AFAP1: variants seen among roughly 807,000 people sequenced by gnomAD.
The protein encoded by AFAP1 is actin filament-associated protein 1.
In AFAP1, 75 loss-of-function variants were observed where a neutral mutation model predicts 93.9. The ratio of observed to expected loss-of-function variants is 0.80; its 90% CI spans 0.66 to 0.97. AFAP1 has a LOEUF of 0.97. Ranked by LOEUF, AFAP1 falls within the 50% of genes least tolerant of loss-of-function variation. The pLI is 0.00. For synonymous variants in AFAP1, 517 were observed against 430.7 expected (o/e 1.20, Z -2.48); for missense variants, 1,201 against 1,050.8 (o/e 1.14, Z -1.98).
intron 9 of AFAP1, among the ~76,000 whole-genome samples, chr4:7,805,347 AG>A (rs1394623943): frequency 6.6e-6 from 1 of 152,230 alleles, no homozygotes. Flanking sequence ...ATGGCTACCC[AG>A]GCTCCATGAA....
intron 6 of AFAP1, among the ~76,000 whole-genome samples, chr4:7,824,200 T>A (rs1484726683): frequency 6.6e-6 from 1 of 152,230 alleles, no homozygotes; most frequent in African/African-American, 2.4e-5. Context: ...AGGTTCAATG[T>A]GTATTTAAGA....
At chr4:7,893,441 C>T (rs961034077) in intron 1 of AFAP1, among the ~76,000 whole-genome samples, 2 of 151,828 alleles carry the variant, frequency 1.3e-5, no homozygotes, top group Non-Finnish European at 2.9e-5. Context: ...ATTAGCCAGG[C>T]GTGGTGGCGG....
At chr4:7,919,642 T>A (rs1358732188) in intron 1 of AFAP1, among the ~76,000 whole-genome samples, 1 of 152,198 alleles carries the variant, frequency 6.6e-6, no homozygotes, top group Non-Finnish European at 1.5e-5. Flanking sequence ...TATTTTTTTT[T>A]AATTTTTAAG....
intron 3 of AFAP1, among the ~76,000 whole-genome samples, chr4:7,867,133 G>GAGGGGAGGGT (rs1716513509): frequency 1.7e-5 from 1 of 59,608 alleles, no homozygotes; most frequent in Non-Finnish European, 5.4e-5. Flanking sequence ...TAGGGGAGCG[G>GAGGGGAGGGT]AGGGGAGGGG....
chr4:7,792,851 A>G (rs1718005987), intron 11 of AFAP1, among the ~76,000 whole-genome samples: 1 of 152,262 alleles, frequency 6.6e-6, no homozygotes, highest in South Asian at 2.1e-4. Flanking sequence ...TTCTTTTACT[A>G]TCGCAAATGG....
intron 16 of AFAP1, 67 bp downstream of exon 16, chr4:7,772,753 T>C: frequency 1.3e-6 from 2 of 1,487,162 alleles, no homozygotes; most frequent in Admixed American, 1.8e-5. Flanking sequence ...ACATTCTCTC[T>C]GGGTGCACTG....
At chr4:7,849,395 C>T (rs566890852) in intron 4 of AFAP1, among the ~76,000 whole-genome samples, 2 of 152,136 alleles carry the variant, frequency 1.3e-5, no homozygotes, top group South Asian at 4.2e-4. Flanking sequence ...GAAAAATCAA[C>T]AAAGGAAAGG....
At chr4:7,864,926 T>G (rs1286579821) in intron 3 of AFAP1, among the ~76,000 whole-genome samples, 3 of 152,012 alleles carry the variant, frequency 2.0e-5, no homozygotes, top group African/African-American at 7.3e-5. Context: ...TGCAGTGAGC[T>G]ATGATCGTGC....
At chr4:7,803,211 C>T (rs1213625996) in intron 9 of AFAP1, among the ~76,000 whole-genome samples, 3 of 152,224 alleles carry the variant, frequency 2.0e-5, no homozygotes, top group African/African-American at 7.2e-5. Context: ...CCTCAAATAA[C>T]TTCACATACT....
intron 1 of AFAP1, among the ~76,000 whole-genome samples, chr4:7,901,549 C>T (rs1486181046): frequency 6.6e-6 from 1 of 152,190 alleles, no homozygotes; most frequent in Admixed American, 6.5e-5. Context: ...GATGCAGCTG[C>T]AGAGAAGCTG....
chr4:7,850,026 G>C (rs912607346), intron 4 of AFAP1, among the ~76,000 whole-genome samples: 1 of 152,080 alleles, frequency 6.6e-6, no homozygotes, highest in Admixed American at 6.6e-5. Context: ...GCCCTCAGAC[G>C]AACTTTGGCT....
chr4:7,901,428 G>A (rs548552290), intron 1 of AFAP1, among the ~76,000 whole-genome samples: 3 of 152,322 alleles, frequency 2.0e-5, no homozygotes, highest in East Asian at 3.9e-4. Flanking sequence ...CTCACTGTGC[G>A]GAATTACATA....
chr4:7,810,051 T>C (rs556097171), intron 8 of AFAP1, among the ~76,000 whole-genome samples: 1 of 152,284 alleles, frequency 6.6e-6, no homozygotes, highest in East Asian at 1.9e-4. Context: ...TTTGTAGAAA[T>C]GGGGTTTCCC....
At chr4:7,788,131 T>G (rs919581396) in intron 11 of AFAP1, among the ~76,000 whole-genome samples, 23 of 152,310 alleles carry the variant, frequency 1.5e-4, no homozygotes, top group African/African-American at 5.3e-4. Context: ...GGCAGGTGCC[T>G]AGAGCCTCGG....
At chr4:7,916,172 A>C (rs531797300) in intron 1 of AFAP1, among the ~76,000 whole-genome samples, 5 of 152,302 alleles carry the variant, frequency 3.3e-5, no homozygotes, top group Non-Finnish European at 5.9e-5. Flanking sequence ...CCCCAAAGAA[A>C]CCACGGCACA....
intron 1 of AFAP1, among the ~76,000 whole-genome samples, chr4:7,912,537 G>A (rs1249670613): frequency 6.6e-6 from 1 of 152,124 alleles, no homozygotes; most frequent in Non-Finnish European, 1.5e-5. Flanking sequence ...GCATTTTTCT[G>A]ACGGCTAATG....
In AFAP1 at chr4:7,774,737, A is replaced by T; in HGVS notation, c.2062+2T>A. 6.2e-7 allele frequency: 1 copy of T among 1,614,016 alleles called. No individual in the cohort carries two copies. Among genetic ancestry groups the T allele is most frequent in the Non-Finnish European group, 8.5e-7 (1 of 1,179,964 alleles). On this transcript the variant is annotated splice_donor_variant, in intron 15 of 17. Transcript: ENST00000420658. LOFTEE classifies it high-confidence loss of function. ...CTGGGCAGTCACCCACACCCTTCATACCGGCGTTCACTTCAATAGCCGCTC... is the reference window on the plus strand; with the variant it reads ...CTGGGCAGTCACCCACACCCTTCATTCCGGCGTTCACTTCAATAGCCGCTC...
intron 10 of AFAP1, 78 bp from the exon 11 acceptor site, chr4:7,793,904 C>A (rs1290324469): frequency 1.5e-6 from 2 of 1,364,392 alleles, no homozygotes; most frequent in African/African-American, 2.9e-5. Context: ...ATAAAGAGAC[C>A]ACATAATAGG....
intron 1 of AFAP1, among the ~76,000 whole-genome samples, chr4:7,889,418 C>A (rs796331741): frequency 4.6e-5 from 7 of 151,320 alleles, no homozygotes; most frequent in African/African-American, 1.5e-4. Context: ...CGTGGTGGCA[C>A]GTGCCTGTAG....
Sources: gnomAD v4.1 joint callset for allele counts (sites outside exome capture counted in the v4.1 genomes callset) on GRCh38, gnomAD v4.1.1 for gene constraint, MANE v1.5 for transcripts, NCBI Gene and HGNC (gene_info 2026-07-23, HGNC 2026-07-21) for gene names.